GPATCH8: variants seen among roughly 807,000 people sequenced by gnomAD.
GPATCH8 encodes the protein G-patch domain containing 8, also known as G patch domain-containing protein 8.
In GPATCH8, 18 loss-of-function variants were observed where a neutral mutation model predicts 118.3. The ratio of observed to expected loss-of-function variants is 0.15; its 90% confidence interval spans 0.11 to 0.23. The LOEUF (loss-of-function observed/expected upper bound fraction) is 0.23. GPATCH8 is among the 10% of genes least tolerant of loss of function. GPATCH8 has a pLI of 1.00. For synonymous variants in GPATCH8, 659 were observed against 684.7 expected (o/e 0.96, Z 0.59); for missense variants, 1,631 against 1,873.8 (o/e 0.87, Z 2.39).
At chr17:44,497,688 C>G (rs558247760) in intron 1 of GPATCH8, among the ~76,000 whole-genome samples, 35 of 145,968 alleles carry the variant, frequency 2.4e-4, no homozygotes, top group African/African-American at 8.3e-4. Flanking sequence ...GCCTGTAATC[C>G]CAGCACTTTG....
chr17:44,464,679 A>T (rs2051690418), intron 2 of GPATCH8, 135 bp from the exon 3 acceptor site: 3 of 722,048 alleles, frequency 4.2e-6, no homozygotes, highest in Non-Finnish European at 7.6e-6. Flanking sequence ...ATAATAGGGT[A>T]AATGTGCCCA....
intron 2 of GPATCH8, 96 bp downstream of exon 2, chr17:44,474,733 G>A: frequency 1.4e-6 from 1 of 733,610 alleles, no homozygotes; most frequent in South Asian, 1.4e-5. Flanking sequence ...CTGTACTATT[G>A]GTTATTAATA....
intron 3 of GPATCH8, among the ~76,000 whole-genome samples, chr17:44,452,187 T>C (rs1331627616): frequency 1.4e-5 from 2 of 147,836 alleles, no homozygotes; most frequent in Admixed American, 6.9e-5. Context: ...GCAGGGGAAT[T>C]GCTTGAACCA....
At chr17:44,414,087 GTATATATATATA>G (rs71136012) in intron 6 of GPATCH8, among the ~76,000 whole-genome samples, 1 of 128,500 alleles carries the variant, frequency 7.8e-6, no homozygotes, top group African/African-American at 2.9e-5. Flanking sequence ...ATATGTGTGT[GTATATATATATA>G]TGTGTGTATA....
intron 6 of GPATCH8, among the ~76,000 whole-genome samples, chr17:44,406,319 G>C (rs2049219368): frequency 6.6e-6 from 1 of 152,008 alleles, no homozygotes; most frequent in African/African-American, 2.4e-5. Context: ...GCAAATTTTA[G>C]AACACTGGGA....
intron 3 of GPATCH8, among the ~76,000 whole-genome samples, chr17:44,438,299 A>G (rs1209208467): frequency 6.6e-6 from 1 of 152,166 alleles, no homozygotes; most frequent in Non-Finnish European, 1.5e-5. Context: ...CAAATTCATT[A>G]CCTCTGTAAA....
chr17:44,399,881 T>A lies in GPATCH8; in HGVS notation c.2196A>T (p.Lys732Asn), dbSNP rs774185994. The A allele has an allele frequency of 5.0e-6, 8 of 1,613,846 alleles. No individual in the cohort carries two copies. The highest frequency in any genetic ancestry group is 6.8e-6 in the Non-Finnish European group (8 of 1,179,976). ...GACTGCCACTCCCAGGGGGTTCTGG[T>A]TTGGGTCCTCGTTCAGAATCTGCTG... ...SAPADSERGP[K>N]PEPPGSGSPA... Residue 732 changes from lysine (K) to asparagine (N), a missense_variant, in exon 8 of 8, where the codon AAA (lysine) becomes AAT (asparagine). Lys to Asn is a moderately conservative substitution (Grantham distance 94). Transcript: ENST00000591680.
intron 1 of GPATCH8, among the ~76,000 whole-genome samples, chr17:44,498,956 A>C (rs1446607742): frequency 9.2e-5 from 14 of 152,262 alleles, no homozygotes; most frequent in Admixed American, 9.2e-4. Flanking sequence ...CATACTGGTT[A>C]CATATGGAAA....
At chr17:44,426,590 T>G (rs1460803866) in intron 5 of GPATCH8, among the ~76,000 whole-genome samples, 4 of 116,482 alleles carry the variant, frequency 3.4e-5, no homozygotes, top group East Asian at 4.8e-4. Context: ...GGTGACAGAG[T>G]GAGACCTTGT....
At chr17:44,501,416 CAA>C (rs10712611) in intron 1 of GPATCH8, among the ~76,000 whole-genome samples, 39 of 146,246 alleles carry the variant, frequency 2.7e-4, no homozygotes, top group Non-Finnish European at 2.4e-4. Flanking sequence ...GACTCCATTT[CAA>C]AAAAAAAAAA....
At position 44,396,713 on chromosome 17, in the gene GPATCH8, CT is replaced by C. The variant is rs1567916175; in HGVS notation, c.*854del. ...TTGCAGTATACTACAAATATGGAACCTTTTTTATATGAGCTACAAAAAGCAG... is the reference window on the plus strand; with the variant it reads ...TTGCAGTATACTACAAATATGGAACCTTTTTATATGAGCTACAAAAAGCAG... On this transcript the variant is annotated 3_prime_UTR_variant, in exon 8 of 8. Coordinates refer to ENST00000591680, the MANE Select transcript of GPATCH8 (RefSeq NM_001002909.4). 7 of 445,352 alleles carry C rather than the reference CT, an allele frequency of 1.6e-5. No homozygotes were observed. The highest frequency in any genetic ancestry group is 3.1e-5 in the Non-Finnish European group (7 of 224,518). The allele number at this position is 445,352 out of a possible 1,614,324, so 27.6% of individuals were successfully genotyped here. A position where few individuals can be genotyped will look rare whatever the true frequency, so the allele number is the denominator to read the frequency against.
chr17:44,500,562 C>G (rs560984964), intron 1 of GPATCH8, among the ~76,000 whole-genome samples: 1 of 152,280 alleles, frequency 6.6e-6, no homozygotes, highest in Admixed American at 6.5e-5. Context: ...CTCCCTCACT[C>G]CATAATAATT....
At chr17:44,406,382 AAACAT>A (rs1347946146) in intron 6 of GPATCH8, among the ~76,000 whole-genome samples, 3 of 151,902 alleles carry the variant, frequency 2.0e-5, no homozygotes, top group African/African-American at 7.3e-5. Context: ...AAAACTAGAC[AAACAT>A]AACATGAGAT....
At chr17:44,491,137 A>AT (rs1282880354) in intron 1 of GPATCH8, among the ~76,000 whole-genome samples, 1 of 152,214 alleles carries the variant, frequency 6.6e-6, no homozygotes, top group African/African-American at 2.4e-5. Flanking sequence ...AGCAAAACAC[A>AT]ATACGAAACT....
At position 44,448,555 on chromosome 17, in the gene GPATCH8, GGAAGAAGAAGAGGAAGAGGAAGAA is replaced by G. The variant is rs1385234057; in HGVS notation, c.194-12034_194-12011del. Among the ~76,000 whole-genome samples, 11 of 99,770 alleles carry G rather than the reference GGAAGAAGAAGAGGAAGAGGAAGAA, an allele frequency of 1.1e-4. 1 individual carries two copies. Among genetic ancestry groups the G allele is most frequent in the East Asian group, 2.9e-4 (1 of 3,466 alleles). 65.5% of individuals were successfully genotyped at this position (99,770 alleles called of 152,430 possible). A position where few individuals can be genotyped will look rare whatever the true frequency, so the allele number is the denominator to read the frequency against. ...AGAAGAAGGAAGAAGAAGAGGAAGAGGAAGAAGAAGAGGAAGAGGAAGAAGAAGAAGAAGAAGAAGAAACAAACC... is the reference window on the plus strand; with the variant it reads ...AGAAGAAGGAAGAAGAAGAGGAAGAGGAAGAAGAAGAAGAAGAAACAAACC... On this transcript the variant is annotated intron_variant, in intron 3 of 7. Coordinates refer to ENST00000591680, the MANE Select transcript of GPATCH8 (RefSeq NM_001002909.4).
At chr17:44,436,029 C>CAA (rs1157048818) in intron 4 of GPATCH8, among the ~76,000 whole-genome samples, 1,296 of 40,804 alleles carry the variant, frequency 0.032, 43 homozygotes, top group African/African-American at 0.042. Context: ...AACTCCATCT[C>CAA]AAAAAAAAAA....
At chr17:44,470,488 C>G (rs938677560) in intron 2 of GPATCH8, among the ~76,000 whole-genome samples, 10 of 142,200 alleles carry the variant, frequency 7.0e-5, no homozygotes, top group Admixed American at 1.4e-4. Context: ...GCCACTGCAC[C>G]CAGCGCTTTT....
chr17:44,442,123 A>C (rs1363698334), intron 3 of GPATCH8, among the ~76,000 whole-genome samples: 2 of 134,168 alleles, frequency 1.5e-5, no homozygotes, highest in African/African-American at 3.1e-5. Flanking sequence ...ATATATATAT[A>C]GAGAGAGAGA....
intron 4 of GPATCH8, among the ~76,000 whole-genome samples, chr17:44,435,460 C>T (rs562801187): frequency 3.3e-5 from 4 of 120,530 alleles, no homozygotes; most frequent in Non-Finnish European, 4.8e-5. Flanking sequence ...GTTGCTCAGG[C>T]TGGGGTTTAA....
Sources: allele counts gnomAD v4.1 joint callset (sites outside exome capture counted in the v4.1 genomes callset), GRCh38; gene constraint gnomAD v4.1.1; transcripts MANE v1.5; gene names NCBI Gene and HGNC (gene_info 2026-07-23, HGNC 2026-07-21).